The following SLC25A53 variants were observed in gnomAD, a reference collection of about 807,000 sequenced individuals.
SLC25A53 encodes the protein mitochondrial carrier triple repeat protein 6.
A neutral mutation model predicts 15.0 loss-of-function variants in SLC25A53; 5 were observed. The ratio of observed to expected loss-of-function variants is 0.33; its 90% CI spans 0.17 to 0.70. The LOEUF is 0.70. Ranked by LOEUF, SLC25A53 falls within the 30% of genes least tolerant of loss-of-function variation. SLC25A53 has a pLI of 0.67. For missense variants in SLC25A53, 216 were observed against 241.6 expected (o/e 0.89, Z 0.70); for synonymous variants, 95 against 100.0 (o/e 0.95, Z 0.30).
At chrX:104,136,757 CA>C (rs2075437686) in intron 1 of SLC25A53, among the ~76,000 whole-genome samples, 1 of 111,966 alleles carries the variant, frequency 8.9e-6, no homozygotes, top group South Asian at 3.7e-4. Context: ...CCATGTCCTG[CA>C]AAGTGTCTTG....
chrX:104,123,724 C>T (rs1556363564), intron 1 of SLC25A53, among the ~76,000 whole-genome samples: 1 of 110,322 alleles, frequency 9.1e-6, no homozygotes. Context: ...CCCCCTACCC[C>T]TCAACAGGCC....
At chrX:104,151,378 T>C (rs2075484321) in intron 1 of SLC25A53, among the ~76,000 whole-genome samples, 1 of 111,679 alleles carries the variant, frequency 9.0e-6, no homozygotes, top group Non-Finnish European at 1.9e-5. Flanking sequence ...CCTCCTAGTG[T>C]GTTCTTCATT....
chrX:104,102,796 G>A lies in SLC25A53; in HGVS notation c.*1538C>T, dbSNP rs2075286863. 1.8e-5 allele frequency: 2 copies of A among 112,106 alleles called. No individual in the cohort carries two copies. The highest frequency in any genetic ancestry group is 1.9e-4 in the Admixed American group (2 of 10,594). The allele number at this position is 112,106 out of a possible 1,213,427, so 9.2% of individuals were successfully genotyped here. On this transcript the variant is annotated 3_prime_UTR_variant, in exon 2 of 2. Coordinates refer to ENST00000594199, the MANE Select transcript of SLC25A53 (RefSeq NM_001012755.5). ...AAGAACAAAGGGTCACATGAGATTA[G>A]TGACATAATGGAATCAGTACCCTGT...
chrX:104,116,765 C>T (rs2075378453), intron 1 of SLC25A53, among the ~76,000 whole-genome samples: 1 of 110,997 alleles, frequency 9.0e-6, no homozygotes, highest in Non-Finnish European at 1.9e-5. Flanking sequence ...GGCTGCCAGG[C>T]CCAGAATCCA....
At chrX:104,128,029 T>A (rs2075415788) in intron 1 of SLC25A53, among the ~76,000 whole-genome samples, 1 of 111,592 alleles carries the variant, frequency 9.0e-6, no homozygotes, top group Non-Finnish European at 1.9e-5. Flanking sequence ...GAAAGTAGCC[T>A]TGGCGAATTT....
intron 1 of SLC25A53, among the ~76,000 whole-genome samples, chrX:104,139,952 AC>A (rs1254138287): frequency 8.8e-6 from 1 of 113,171 alleles, no homozygotes; most frequent in Non-Finnish European, 1.9e-5. Flanking sequence ...TTCTCACCAA[AC>A]CTGTGAAGCA....
chrX:104,114,827 T>C (rs1556360709), intron 1 of SLC25A53: 1 of 1,210,028 alleles, frequency 8.3e-7, no homozygotes, highest in Non-Finnish European at 1.1e-6. Context: ...GAGCCAATAA[T>C]GGAGAGGGCA....
chrX:104,107,209 G>A lies in SLC25A53; in HGVS notation c.-31-1921C>T, dbSNP rs191631879. Among the ~76,000 whole-genome samples, 8 of 110,448 alleles carry A rather than the reference G, an allele frequency of 7.2e-5. No individual in the cohort carries two copies. In the East Asian group the frequency reaches 8.6e-4, roughly 12 times the overall value. On this transcript the variant is annotated intron_variant, in intron 1 of 1. Transcript: ENST00000594199. ...TCTCACAATCTCACTTTACCACCAC[G>A]CCCCTCCCCTGGAGCCACACTCACC...
chrX:104,115,329 T>C, intron 1 of SLC25A53: 1 of 1,151,084 alleles, frequency 8.7e-7, no homozygotes. Context: ...AGTAAGGATC[T>C]AGTCCAGCCC....
At chrX:104,111,508 A>G (rs1415417797) in intron 1 of SLC25A53, among the ~76,000 whole-genome samples, 4 of 111,563 alleles carry the variant, frequency 3.6e-5, no homozygotes, top group African/African-American at 1.3e-4. Context: ...AGAAGAAAAG[A>G]AAAAAAGATT....
At chrX:104,105,626 CTG>C (rs1391495190) in intron 1 of SLC25A53, among the ~76,000 whole-genome samples, 1 of 112,468 alleles carries the variant, frequency 8.9e-6, no homozygotes, top group Non-Finnish European at 1.9e-5. Context: ...CGACATGAAA[CTG>C]TGCATTTTAT....
rs911786706 is a variant in SLC25A53, at chrX:104,144,774, A to T, written c.-32+12104T>A. Among the ~76,000 whole-genome samples the T allele has an allele frequency of 7.2e-5, 8 of 111,735 alleles. No individual in the cohort carries two copies. The Admixed American group carries it at 7.7e-4, about 11-fold the overall frequency. The stretch of plus-strand genomic sequence containing the variant: ...GCAACAAGAAGAGCTAACTATCCTA[A>T]ATATACATGCACCCAATACAGGAGC... On this transcript the variant is annotated intron_variant, in intron 1 of 1. Coordinates refer to ENST00000594199, the MANE Select transcript of SLC25A53 (RefSeq NM_001012755.5).
chrX:104,141,389 T>C (rs991915366), intron 1 of SLC25A53, among the ~76,000 whole-genome samples: 42 of 111,505 alleles, frequency 3.8e-4, no homozygotes, highest in African/African-American at 1.3e-3. Context: ...AACAAAGGCA[T>C]AGGAAAGAAA....
chrX:104,104,517 GTT>G lies in SLC25A53; in HGVS notation c.739_740del (p.Asn247HisfsTer45). 8.3e-7 allele frequency: 1 copy of G among 1,211,915 alleles called. No individual in the cohort carries two copies. The highest frequency in any genetic ancestry group is 1.1e-6 in the Non-Finnish European group (1 of 895,548). On this transcript the variant is annotated frameshift_variant, in exon 2 of 2. Transcript: ENST00000594199. LOFTEE classifies it high-confidence loss of function. ...GGGCAGAGGCCCACAGGCTTGGCATGTTCTGCCATCCAATATGGGACTGCATA... is the reference window on the plus strand; with the variant it reads ...GGGCAGAGGCCCACAGGCTTGGCATGCTGCCATCCAATATGGGACTGCATA... ...ANMQSHIGWQ[N>X]MPSLWASAQD...
intron 1 of SLC25A53, among the ~76,000 whole-genome samples, chrX:104,127,880 C>G (rs1245671134): frequency 9.0e-6 from 1 of 111,059 alleles, no homozygotes; most frequent in Non-Finnish European, 1.9e-5. Flanking sequence ...TCAAGAATGG[C>G]TTGAACTGGT....
rs188146187 is a variant in SLC25A53 at position 104,150,840 on chromosome X, C to T, written c.-32+6038G>A. Among the ~76,000 whole-genome samples, 29 of 111,518 alleles carry T rather than the reference C, an allele frequency of 2.6e-4. No homozygotes were observed. In the South Asian group the frequency reaches 2.7e-3, roughly 10 times the overall value. ...GAAGCACCACAGCGCCCATGGTGTG[C>T]GCTCTCCCTCCATGTAATGCACTGA... On this transcript the variant is annotated intron_variant, in intron 1 of 1. Coordinates refer to ENST00000594199, the MANE Select transcript of SLC25A53 (RefSeq NM_001012755.5).
intron 1 of SLC25A53, among the ~76,000 whole-genome samples, chrX:104,126,593 G>A (rs914430014): frequency 1.2e-4 from 13 of 111,601 alleles, no homozygotes; most frequent in African/African-American, 3.9e-4. Context: ...CAAAGCTTCA[G>A]TGAGACATGA....
chrX:104,142,375 A>C, intron 1 of SLC25A53, among the ~76,000 whole-genome samples: 1 of 112,554 alleles, frequency 8.9e-6, no homozygotes, highest in Middle Eastern at 4.6e-3. Context: ...CTGATAACTA[A>C]GTACTATTAC....
chrX:104,136,212 A>G (rs1023307516), intron 1 of SLC25A53, among the ~76,000 whole-genome samples: 5 of 111,329 alleles, frequency 4.5e-5, no homozygotes, highest in Non-Finnish European at 9.4e-5. Flanking sequence ...TACATATTAT[A>G]TATGTATATA....
Sources: gnomAD v4.1 joint callset for allele counts (sites outside exome capture counted in the v4.1 genomes callset) on GRCh38, gnomAD v4.1.1 for gene constraint, MANE v1.5 for transcripts, NCBI Gene and HGNC (gene_info 2026-07-23, HGNC 2026-07-21) for gene names.